Variants in SH3RF2 observed in about 807,000 individuals in gnomAD.
The protein encoded by SH3RF2 is E3 ubiquitin-protein ligase SH3RF2.
Under a neutral mutation model 59.0 loss-of-function variants are expected in SH3RF2, and 43 were observed. The observed-to-expected ratio is 0.73, with a 90% CI of 0.57 to 0.94. The LOEUF (loss-of-function observed/expected upper bound fraction) is 0.94. Among genes scored for constraint, SH3RF2 ranks in the 40% least tolerant of loss-of-function variants. SH3RF2 has a pLI of 0.00. For missense variants in SH3RF2, 930 were observed against 940.1 expected (o/e 0.99, Z 0.14); for synonymous variants, 391 against 391.5 (o/e 1.00, Z 0.01).
At chr5:146,032,347 G>A (rs1263795184) in intron 5 of SH3RF2, among the ~76,000 whole-genome samples, 1 of 152,176 alleles carries the variant, frequency 6.6e-6, no homozygotes, top group Non-Finnish European at 1.5e-5. Context: ...CCCCATGGGT[G>A]ATGACCTTCA....
chr5:145,978,048 T>C (rs578191245), intron 2 of SH3RF2, among the ~76,000 whole-genome samples: 142 of 152,220 alleles, frequency 9.3e-4, no homozygotes, highest in Non-Finnish European at 1.7e-3. Flanking sequence ...TTCATAAGCA[T>C]TTATTGAGAT....
At chr5:146,055,456 T>G (rs1762632776) in intron 7 of SH3RF2, among the ~76,000 whole-genome samples, 2 of 152,356 alleles carry the variant, frequency 1.3e-5, no homozygotes, top group African/African-American at 4.8e-5. Flanking sequence ...TTAGCCAAAA[T>G]GATGTGTCAG....
intron 5 of SH3RF2, among the ~76,000 whole-genome samples, chr5:146,043,379 C>T (rs1422598333): frequency 6.6e-6 from 1 of 151,990 alleles, no homozygotes; most frequent in Non-Finnish European, 1.5e-5. Context: ...TCATCCCCTT[C>T]CCTAATTCCA....
chr5:145,937,326 T>A (rs1436040552), intron 1 of SH3RF2, among the ~76,000 whole-genome samples: 1 of 152,182 alleles, frequency 6.6e-6, no homozygotes, highest in African/African-American at 2.4e-5. Flanking sequence ...AGGAAATAAT[T>A]CTACATCTGC....
intron 2 of SH3RF2, among the ~76,000 whole-genome samples, chr5:145,976,933 A>T (rs1479341442): frequency 1.3e-5 from 2 of 152,262 alleles, no homozygotes; most frequent in Non-Finnish European, 2.9e-5. Context: ...TTACTCATAA[A>T]GTACCCCCTT....
At chr5:146,059,613 C>T (rs775798025) in intron 8 of SH3RF2, among the ~76,000 whole-genome samples, 19 of 151,910 alleles carry the variant, frequency 1.3e-4, no homozygotes, top group Non-Finnish European at 2.2e-4. Context: ...CTTCTGACAG[C>T]CCCCCTACAC....
chr5:146,059,139 C>T (rs1762787980), intron 8 of SH3RF2, among the ~76,000 whole-genome samples: 1 of 152,222 alleles, frequency 6.6e-6, no homozygotes, highest in Non-Finnish European at 1.5e-5. Context: ...CGTGACTTAA[C>T]TCATCCCAGG....
intron 2 of SH3RF2, among the ~76,000 whole-genome samples, chr5:145,993,506 C>T (rs1484579486): frequency 6.6e-6 from 1 of 152,244 alleles, no homozygotes; most frequent in East Asian, 1.9e-4. Flanking sequence ...TGTTTCCATA[C>T]ATCTTCTGAA....
At chr5:146,018,939 T>C (rs1165417816) in intron 5 of SH3RF2, among the ~76,000 whole-genome samples, 2 of 151,928 alleles carry the variant, frequency 1.3e-5, no homozygotes, top group Non-Finnish European at 2.9e-5. Context: ...GTGTATCTTC[T>C]TTAGCCCACT....
chr5:146,006,194 A>G (rs1188251783), intron 4 of SH3RF2, among the ~76,000 whole-genome samples: 1 of 152,186 alleles, frequency 6.6e-6, no homozygotes. Flanking sequence ...GGGCCAAGGC[A>G]GAAGGATTAC....
At chr5:146,057,559 T>C (rs2150020415) in intron 8 of SH3RF2, among the ~76,000 whole-genome samples, 1 of 152,358 alleles carries the variant, frequency 6.6e-6, no homozygotes, top group Middle Eastern at 3.4e-3. Context: ...CATTAGTTTT[T>C]TATAGTATTT....
At chr5:146,023,139 C>T (rs1189060679) in intron 5 of SH3RF2, among the ~76,000 whole-genome samples, 2 of 151,764 alleles carry the variant, frequency 1.3e-5, no homozygotes, top group Non-Finnish European at 2.9e-5. Flanking sequence ...TTTCCAAATT[C>T]TGGATATTAC....
rs188321076 is a variant in SH3RF2 at position 146,060,291 on chromosome 5, A to G, written c.1914+67A>G. ...CGTACTATGCATAGTGTCTCAGCTC[A>G]GAGATTTTAGTGTTGGTGAACAAGG... is the stretch of plus-strand genomic sequence containing the variant. On this transcript the variant is annotated intron_variant, in intron 9 of 9. Transcript: ENST00000359120. The G allele has an allele frequency of 5.4e-5, 76 of 1,418,984 alleles. No homozygotes were observed. The African/African-American group carries it at 1.0e-3, about 19-fold the overall frequency. The allele number at this position is 1,418,984 out of a possible 1,614,324, so 87.9% of individuals were successfully genotyped here.
chr5:145,994,631 A>T (rs1277287565), intron 2 of SH3RF2, among the ~76,000 whole-genome samples: 1 of 152,176 alleles, frequency 6.6e-6, no homozygotes, highest in South Asian at 2.1e-4. Context: ...ATTCACAATC[A>T]TGAGAACAGC....
At chr5:145,989,428 T>G (rs567061358) in intron 2 of SH3RF2, among the ~76,000 whole-genome samples, 4 of 152,330 alleles carry the variant, frequency 2.6e-5, no homozygotes, top group African/African-American at 9.6e-5. Flanking sequence ...AGCAATTCAC[T>G]CATTCATTCA....
intron 2 of SH3RF2, among the ~76,000 whole-genome samples, chr5:145,960,383 C>T (rs754586559): frequency 6.6e-6 from 1 of 152,194 alleles, no homozygotes; most frequent in African/African-American, 2.4e-5. Context: ...ACATACTCCA[C>T]CAGCCCAGAA....
intron 5 of SH3RF2, among the ~76,000 whole-genome samples, chr5:146,028,559 G>A (rs528105671): frequency 5.9e-5 from 9 of 151,974 alleles, no homozygotes; most frequent in South Asian, 4.2e-4. Flanking sequence ...GGTTTTTAGC[G>A]GCATCCCCGG....
intron 2 of SH3RF2, among the ~76,000 whole-genome samples, chr5:145,963,892 C>G (rs146968149): frequency 0.077 from 11,483 of 149,602 alleles, 1,490 homozygotes; most frequent in African/African-American, 0.27. Flanking sequence ...GAGTGCAGTG[C>G]CGCAATCTCG....
At chr5:146,017,459 T>C (rs1374585081) in intron 5 of SH3RF2, among the ~76,000 whole-genome samples, 1 of 152,054 alleles carries the variant, frequency 6.6e-6, no homozygotes, top group Admixed American at 6.6e-5. Flanking sequence ...CCTCCCACAC[T>C]CACAGAGCAG....
Sources: allele counts gnomAD v4.1 joint callset (sites outside exome capture counted in the v4.1 genomes callset), GRCh38; gene constraint gnomAD v4.1.1; transcripts MANE v1.5; gene names NCBI Gene and HGNC (gene_info 2026-07-23, HGNC 2026-07-21).